Variants in KIF13A observed in about 807,000 individuals in gnomAD.
KIF13A encodes the protein kinesin-like protein KIF13A.
In KIF13A, 79 loss-of-function variants were observed where a neutral mutation model predicts 212.2. The observed-to-expected ratio is 0.37, with a 90% CI of 0.31 to 0.45. The LOEUF is 0.45. Among genes scored for constraint, KIF13A ranks in the 20% least tolerant of loss-of-function variants. KIF13A has a pLI of 1.00. For missense variants in KIF13A, 1,901 were observed against 2,209.0 expected (o/e 0.86, Z 2.79); for synonymous variants, 789 against 808.6 (o/e 0.98, Z 0.41).
At chr6:17,779,779 G>A (rs1241774048) in intron 31 of KIF13A, 95 bp from the exon 32 acceptor site, 19 of 496,464 alleles carry the variant, frequency 3.8e-5, no homozygotes, top group African/African-American at 1.8e-4. Flanking sequence ...TCTCGCTGTC[G>A]CCCAGGCTGG....
chr6:17,788,830 T>C (rs1395434192), intron 26 of KIF13A, among the ~76,000 whole-genome samples: 2 of 152,162 alleles, frequency 1.3e-5, no homozygotes, highest in Non-Finnish European at 2.9e-5. Flanking sequence ...GTTTAAGCGA[T>C]TCTCCTGCCT....
intron 4 of KIF13A, among the ~76,000 whole-genome samples, chr6:17,869,094 T>C (rs1001588598): frequency 6.6e-6 from 1 of 150,952 alleles, no homozygotes; most frequent in Non-Finnish European, 1.5e-5. Flanking sequence ...AATAAGCCTT[T>C]AATTTGCCTC....
In KIF13A at chr6:17,771,977, G is replaced by A; in HGVS notation, c.4407C>T (p.Pro1469=). 8.1e-6 allele frequency: 13 copies of A among 1,613,936 alleles called. No individual in the cohort carries two copies. Among genetic ancestry groups the A allele is most frequent in the Non-Finnish European group, 1.1e-5 (13 of 1,179,842 alleles). The part of the protein sequence containing the change: ...FSPQPPKFFK[P]LMPVKEEHKK... ...TATGCTCCTCTTTTACAGGCATTAG[G>A]GGCTTGAAAAACTTTGGTGGCTGAG... The change falls in exon 37 of 39, where the codon CCC becomes CCT. Residue 1469 remains proline (P), a synonymous_variant. Transcript: ENST00000259711. This position sits in a 1 kb window ranked among gnomAD's most constrained non-coding sequence, Gnocchi z 5.4.
At chr6:17,907,335 T>C (rs1773600093) in intron 2 of KIF13A, among the ~76,000 whole-genome samples, 1 of 152,218 alleles carries the variant, frequency 6.6e-6, no homozygotes, top group East Asian at 1.9e-4. Flanking sequence ...CTATTGAGTA[T>C]TGCCTCTCTG....
At chr6:17,928,037 T>C (rs1775643332) in intron 2 of KIF13A, among the ~76,000 whole-genome samples, 1 of 152,158 alleles carries the variant, frequency 6.6e-6, no homozygotes, top group Admixed American at 6.5e-5. Context: ...CTGTGCAAAA[T>C]CACACAGGCT....
intron 4 of KIF13A, among the ~76,000 whole-genome samples, chr6:17,866,231 ATATT>A (rs774024562): frequency 2.0e-5 from 3 of 152,206 alleles, no homozygotes; most frequent in Non-Finnish European, 4.4e-5. Flanking sequence ...GGGCTGCACA[ATATT>A]TATAGTATTT....
At chr6:17,821,656 C>A in intron 16 of KIF13A, 1 of 991,420 alleles carries the variant, frequency 1.0e-6, no homozygotes, top group Non-Finnish European at 1.4e-6. Flanking sequence ...CCTTCATCAG[C>A]CAGAAAACTC....
chr6:17,890,672 G>C (rs1771966698), intron 3 of KIF13A, among the ~76,000 whole-genome samples: 1 of 150,670 alleles, frequency 6.6e-6, no homozygotes. Flanking sequence ...TGTCACCCAG[G>C]CTAGAGTGCA....
intron 2 of KIF13A, among the ~76,000 whole-genome samples, chr6:17,956,423 T>G (rs908550160): frequency 1.3e-5 from 2 of 152,212 alleles, no homozygotes; most frequent in East Asian, 3.9e-4. Flanking sequence ...TGATTAGCAG[T>G]CTTGTCCATC....
intron 22 of KIF13A, among the ~76,000 whole-genome samples, chr6:17,797,403 A>T: frequency 6.6e-6 from 1 of 152,214 alleles, no homozygotes; most frequent in Non-Finnish European, 1.5e-5. Context: ...GTTAGTTGCA[A>T]AGCTGAATCT....
At position 17,799,252 on chromosome 6, in the gene KIF13A, A is replaced by T. The variant is rs767703178; in HGVS notation, c.2790+14T>A. The T allele has an allele frequency of 2.6e-6, 4 of 1,542,542 alleles. No homozygotes were observed. The highest frequency in any genetic ancestry group is 3.5e-6 in the Non-Finnish European group (4 of 1,141,026). ...CTGCTTCCTACACAGCTCATTTGGT[A>T]ATGGCATTTGTACCTTACAGTGGGA... On this transcript the variant is annotated intron_variant, in intron 22 of 38. Coordinates refer to ENST00000259711, the MANE Select transcript of KIF13A (RefSeq NM_022113.6). This position sits in a 1 kb window ranked among gnomAD's most constrained non-coding sequence, Gnocchi z 4.4.
rs1312434770 is a variant in KIF13A at position 17,783,603 on chromosome 6, T to TA, written c.3544+42dup. The TA allele has an allele frequency of 7.3e-6, 9 of 1,237,868 alleles. No individual in the cohort carries two copies. Among genetic ancestry groups the TA allele is most frequent in the Non-Finnish European group, 1.0e-5 (9 of 859,504 alleles). The allele number at this position is 1,237,868 out of a possible 1,614,324, so 76.7% of individuals were successfully genotyped here. A position where few individuals can be genotyped will look rare whatever the true frequency, so the allele number is the denominator to read the frequency against. On this transcript the variant is annotated intron_variant, in intron 29 of 38. Transcript: ENST00000259711. This position sits in a 1 kb window ranked among gnomAD's most constrained non-coding sequence, Gnocchi z 4.3. The stretch of plus-strand genomic sequence containing the variant: ...GTGAATCTGGATAGATTACAAACCT[T>TA]AGTTAAATACAATAATCCCTGTGAC...
chr6:17,868,224 T>A (rs867588715), intron 4 of KIF13A, among the ~76,000 whole-genome samples: 7 of 152,246 alleles, frequency 4.6e-5, no homozygotes, highest in South Asian at 2.1e-4. Context: ...GCTTTTTTTT[T>A]ATTTTTGATA....
chr6:17,886,906 C>A lies in KIF13A; in HGVS notation c.159+11262G>T, dbSNP rs1334619805. ...TTAAAAAGAGGAAAAAAAAAAAAGT[C>A]TTGGGAAATTTTTAGAAGGATGATT... On this transcript the variant is annotated intron_variant, in intron 3 of 38. Transcript: ENST00000259711. The surrounding 1 kb of genome is among the most constrained non-coding windows in gnomAD (Gnocchi z 5.6). 6.6e-6 allele frequency among the ~76,000 whole-genome samples: 1 copy of A among 151,698 alleles called. No homozygotes were observed. Among genetic ancestry groups the A allele is most frequent in the Non-Finnish European group, 1.5e-5 (1 of 67,942 alleles).
chr6:17,944,561 T>C (rs1777222017), intron 2 of KIF13A, among the ~76,000 whole-genome samples: 1 of 152,116 alleles, frequency 6.6e-6, no homozygotes, highest in South Asian at 2.1e-4. Context: ...CTGGCCCCTC[T>C]TGTCCCACTC....
At chr6:17,973,392 C>T (rs1310912016) in intron 2 of KIF13A, among the ~76,000 whole-genome samples, 1 of 152,240 alleles carries the variant, frequency 6.6e-6, no homozygotes, top group Non-Finnish European at 1.5e-5. Flanking sequence ...ATAACGACTT[C>T]ATGCTGCTGC....
chr6:17,920,721 A>G (rs879554962), intron 2 of KIF13A, among the ~76,000 whole-genome samples: 1 of 152,024 alleles, frequency 6.6e-6, no homozygotes, highest in Admixed American at 6.6e-5. Context: ...TAAAAATACA[A>G]AAATTAGCTG....
chr6:17,963,824 G>A lies in KIF13A; in HGVS notation c.146+23230C>T, dbSNP rs559463028. Reference sequence around the variant, plus strand: ...CCCACCTCAGCCTCCCAAAGTGTTGGGATTACGGGCGTGAGCCACCATGCC... The same window carrying A: ...CCCACCTCAGCCTCCCAAAGTGTTGAGATTACGGGCGTGAGCCACCATGCC... On this transcript the variant is annotated intron_variant, in intron 2 of 38. Coordinates refer to ENST00000259711, the MANE Select transcript of KIF13A (RefSeq NM_022113.6). The surrounding 1 kb of genome is among the most constrained non-coding windows in gnomAD (Gnocchi z 4.1). Among the ~76,000 whole-genome samples, 12 of 152,140 alleles carry A rather than the reference G, an allele frequency of 7.9e-5. No homozygotes were observed. The highest frequency in any genetic ancestry group is 1.8e-4 in the Non-Finnish European group (12 of 68,038).
intron 2 of KIF13A, among the ~76,000 whole-genome samples, chr6:17,921,619 C>T (rs891969101): frequency 7.9e-5 from 12 of 152,136 alleles, no homozygotes; most frequent in Non-Finnish European, 1.5e-5. Context: ...TCACTGACTC[C>T]CTCAGTGAGG....
Sources: gnomAD v4.1 joint callset for allele counts (sites outside exome capture counted in the v4.1 genomes callset) on GRCh38, gnomAD v4.1.1 for gene constraint, Gnocchi (gnomAD v3.1) non-coding constraint, MANE v1.5 for transcripts, NCBI Gene and HGNC (gene_info 2026-07-23, HGNC 2026-07-21) for gene names.